The following PAPPA2 variants were observed in gnomAD, a reference collection of about 807,000 sequenced individuals.
The protein encoded by PAPPA2 is pappalysin 2, also known as pappalysin-2.
PAPPA2 carries 86 observed loss-of-function variants against 176.4 expected under a neutral mutation model. The ratio of observed to expected loss-of-function variants is 0.49; its 90% CI spans 0.41 to 0.58. PAPPA2 has a LOEUF of 0.58. PAPPA2 is among the 20% of genes least tolerant of loss of function. PAPPA2 has a pLI of 0.00. For missense variants in PAPPA2, 2,073 were observed against 2,256.9 expected (o/e 0.92, Z 1.65); for synonymous variants, 809 against 852.2 (o/e 0.95, Z 0.88).
intron 21 of PAPPA2, among the ~76,000 whole-genome samples, chr1:176,807,518 A>G (rs1665957572): frequency 6.7e-6 from 1 of 149,952 alleles, no homozygotes; most frequent in Admixed American, 6.6e-5. Flanking sequence ...TTTTTTGAGA[A>G]AGAGCCTCAC....
intron 1 of PAPPA2, among the ~76,000 whole-genome samples, chr1:176,505,296 A>G (rs1648194348): frequency 6.6e-6 from 1 of 152,244 alleles, no homozygotes; most frequent in East Asian, 1.9e-4. Context: ...AAAAGCAAAC[A>G]AAAGCACATT....
At chr1:176,520,625 A>G (rs140803080) in intron 1 of PAPPA2, among the ~76,000 whole-genome samples, 1 of 152,324 alleles carries the variant, frequency 6.6e-6, no homozygotes, top group Non-Finnish European at 1.5e-5. Flanking sequence ...GGGTAAGCTA[A>G]TGACATAAAA....
chr1:176,731,825 G>T (rs1043358780), intron 12 of PAPPA2, among the ~76,000 whole-genome samples: 1 of 151,734 alleles, frequency 6.6e-6, no homozygotes, highest in East Asian at 1.9e-4. Flanking sequence ...TCAACTTTGG[G>T]TTGCAGAAAA....
chr1:176,548,655 T>C (rs1443003369), intron 1 of PAPPA2, among the ~76,000 whole-genome samples: 2 of 152,164 alleles, frequency 1.3e-5, no homozygotes, highest in African/African-American at 4.8e-5. Flanking sequence ...ATGAACTTAG[T>C]CGCTTGACTC....
chr1:176,842,351 C>T, intron 22 of PAPPA2, 29 bp from the exon 23 acceptor site: 1 of 1,575,294 alleles, frequency 6.3e-7, no homozygotes, highest in Non-Finnish European at 8.7e-7. Context: ...CAGAAATGAG[C>T]TATTTCTACT....
intron 1 of PAPPA2, among the ~76,000 whole-genome samples, chr1:176,546,789 A>G (rs1650661634): frequency 6.6e-6 from 1 of 152,250 alleles, no homozygotes; most frequent in Non-Finnish European, 1.5e-5. Context: ...AAGAAGTAAC[A>G]TGACTTAATA....
At chr1:176,488,030 A>G (rs1046702108) in intron 1 of PAPPA2, among the ~76,000 whole-genome samples, 1 of 152,174 alleles carries the variant, frequency 6.6e-6, no homozygotes, top group Non-Finnish European at 1.5e-5. Context: ...AAGCAGCCAA[A>G]TTATCTATGG....
At chr1:176,724,668 C>A (rs1052263535) in intron 12 of PAPPA2, among the ~76,000 whole-genome samples, 15 of 152,186 alleles carry the variant, frequency 9.9e-5, no homozygotes, top group African/African-American at 3.6e-4. Flanking sequence ...AATTTCCTCT[C>A]TTCCTTTGTT....
At chr1:176,586,286 T>C (rs1653302860) in intron 2 of PAPPA2, among the ~76,000 whole-genome samples, 1 of 152,256 alleles carries the variant, frequency 6.6e-6, no homozygotes, top group Non-Finnish European at 1.5e-5. Context: ...TTCTATTTTT[T>C]TGGCAGCAAA....
chr1:176,593,824 G>T (rs1653798213), intron 2 of PAPPA2, among the ~76,000 whole-genome samples: 2 of 152,210 alleles, frequency 1.3e-5, no homozygotes, highest in South Asian at 4.1e-4. Context: ...ATTGGGTATA[G>T]AACAGTCATT....
intron 1 of PAPPA2, among the ~76,000 whole-genome samples, chr1:176,503,331 A>G (rs1648071894): frequency 6.6e-6 from 1 of 152,202 alleles, no homozygotes; most frequent in Non-Finnish European, 1.5e-5. Flanking sequence ...ACTCACCTGG[A>G]TAATACAGGA....
At chr1:176,765,643 T>C (rs372965456) in intron 14 of PAPPA2, 23 bp from the exon 15 acceptor site, 35 of 1,610,186 alleles carry the variant, frequency 2.2e-5, no homozygotes, top group Non-Finnish European at 2.8e-5. Flanking sequence ...AGTCCTAAGA[T>C]GGTTCTATTT....
At chr1:176,552,295 C>T (rs985584686) in intron 1 of PAPPA2, among the ~76,000 whole-genome samples, 4 of 151,700 alleles carry the variant, frequency 2.6e-5, no homozygotes, top group South Asian at 2.1e-4. Flanking sequence ...CCTACCCTCC[C>T]CCTTCCATTT....
At chr1:176,551,995 T>G (rs1295190166) in intron 1 of PAPPA2, among the ~76,000 whole-genome samples, 2 of 152,160 alleles carry the variant, frequency 1.3e-5, no homozygotes, top group Non-Finnish European at 2.9e-5. Flanking sequence ...CAATCGGATT[T>G]TGTAAAACGT....
intron 1 of PAPPA2, among the ~76,000 whole-genome samples, chr1:176,518,292 T>C (rs938725627): frequency 2.0e-5 from 3 of 152,164 alleles, no homozygotes; most frequent in Non-Finnish European, 4.4e-5. Flanking sequence ...TACCTCATGC[T>C]GTGTAGACCT....
intron 1 of PAPPA2, among the ~76,000 whole-genome samples, chr1:176,487,359 C>A (rs1157806750): frequency 6.6e-6 from 1 of 152,184 alleles, no homozygotes; most frequent in Non-Finnish European, 1.5e-5. Context: ...AGCCTACCTT[C>A]TCACTGTGGA....
intron 1 of PAPPA2, among the ~76,000 whole-genome samples, chr1:176,525,944 G>T (rs1649478115): frequency 6.6e-6 from 1 of 152,160 alleles, no homozygotes. Context: ...CCTGAGTAGA[G>T]GTGGGCTGCT....
In PAPPA2 at chr1:176,716,602, C is replaced by CTTTTT. The variant is rs71299410; in HGVS notation, c.3798+4637_3798+4641dup. Among the ~76,000 whole-genome samples, 400 of 114,824 alleles carry CTTTTT rather than the reference C, an allele frequency of 3.5e-3. 1 individual carries two copies. The highest frequency in any genetic ancestry group is 5.6e-3 in the African/African-American group (159 of 28,624). 75.3% of individuals were successfully genotyped at this position (114,824 alleles called of 152,430 possible). A position where few individuals can be genotyped will look rare whatever the true frequency, so the allele number is the denominator to read the frequency against. On this transcript the variant is annotated intron_variant, in intron 12 of 22. Transcript: ENST00000367662. ...TCTAGATTACAACAATTCCTTCCTT[C>CTTTTT]TTTTTTTTTTTTTTTTTTTTGTTTT...
intron 16 of PAPPA2, 29 bp downstream of exon 16, chr1:176,769,813 G>T: frequency 6.4e-7 from 1 of 1,559,002 alleles, no homozygotes; most frequent in Non-Finnish European, 8.7e-7. Flanking sequence ...GGAACTGTAT[G>T]CAAGTTCTCT....
Sources: allele counts gnomAD v4.1 joint callset (sites outside exome capture counted in the v4.1 genomes callset), GRCh38; gene constraint gnomAD v4.1.1; transcripts MANE v1.5; gene names NCBI Gene and HGNC (gene_info 2026-07-23, HGNC 2026-07-21).